The following KRABD3 variants were observed in gnomAD, a reference collection of about 807,000 sequenced individuals.
The protein encoded by KRABD3 is KRAB domain-containing protein 3.
the KRABD3 span, chr7:149,725,428 C>A: frequency 6.2e-7 from 1 of 1,612,240 alleles, no homozygotes; most frequent in Non-Finnish European, 8.5e-7. Context: ...CCAGAACCCC[C>A]AGCCAGGAGA....
the KRABD3 span, chr7:149,724,589 CAA>C: frequency 2.6e-5 from 34 of 1,283,108 alleles, no homozygotes; most frequent in Non-Finnish European, 3.4e-5. Context: ...ATAAAGGCCT[CAA>C]GGGATTCTCA....
At chr7:149,715,221 C>T in the KRABD3 span, 19 of 1,216,270 alleles carry the variant, frequency 1.6e-5, no homozygotes, top group Non-Finnish European at 1.8e-5. Context: ...TTCAGGTCCT[C>T]GGACAACCTC....
the KRABD3 span, chr7:149,723,800 C>A: frequency 1.1e-5 from 17 of 1,613,854 alleles, no homozygotes; most frequent in Non-Finnish European, 1.4e-5. Flanking sequence ...AAGGAGCTCC[C>A]CGAGGCCCAG....
At chr7:149,721,094 G>A in the KRABD3 span, 19 of 1,417,272 alleles carry the variant, frequency 1.3e-5, no homozygotes, top group East Asian at 4.9e-5. Context: ...GGCACAGGCC[G>A]GGAGGCAGAG....
the KRABD3 span, chr7:149,731,805 T>C: frequency 2.6e-6 from 4 of 1,544,164 alleles, no homozygotes; most frequent in Non-Finnish European, 3.5e-6. Context: ...CCATTCCCTC[T>C]GCACGGGCCA....
chr7:149,731,637 C>T, the KRABD3 span: 5 of 1,520,448 alleles, frequency 3.3e-6, no homozygotes, highest in Non-Finnish European at 4.5e-6. Context: ...AAACGATCGT[C>T]TCCCTGCCCC....
the KRABD3 span, chr7:149,733,424 C>T: frequency 1.3e-6 from 2 of 1,597,176 alleles, no homozygotes; most frequent in Non-Finnish European, 1.7e-6. Context: ...GCTGGCAGGC[C>T]TGGCTCAGGA....
the KRABD3 span, chr7:149,719,857 G>A: frequency 8.7e-5 from 102 of 1,172,316 alleles, no homozygotes; most frequent in Non-Finnish European, 1.1e-4. The surrounding 1 kb of genome is among the most constrained non-coding windows in gnomAD (Gnocchi z 5.6). Flanking sequence ...GGTATGCGGC[G>A]GCCTCTGAGG....
chr7:149,716,370 G>C, the KRABD3 span, among the ~76,000 whole-genome samples: 1 of 152,240 alleles, frequency 6.6e-6, no homozygotes, highest in African/African-American at 2.4e-5. Context: ...TTTCTCCATT[G>C]GTTGGGGGAA....
chr7:149,722,084 G>A, the KRABD3 span: 11 of 416,088 alleles, frequency 2.6e-5, no homozygotes, highest in Admixed American at 7.8e-5. Flanking sequence ...AGGGGTCGTC[G>A]GGCACACTTG....
At chr7:149,730,188 G>T in the KRABD3 span, 2 of 1,573,024 alleles carry the variant, frequency 1.3e-6, no homozygotes, top group Non-Finnish European at 8.6e-7. Context: ...CCTGGAGAGC[G>T]CCCTGAGGGG....
the KRABD3 span, chr7:149,728,781 T>C: frequency 0.12 from 153,473 of 1,280,784 alleles, 9,799 homozygotes; most frequent in Middle Eastern, 0.23. Flanking sequence ...CATGGTGCTC[T>C]GGAAACAGAC....
At chr7:149,716,030 G>A in the KRABD3 span, among the ~76,000 whole-genome samples, 49 of 152,310 alleles carry the variant, frequency 3.2e-4, 1 homozygote, top group South Asian at 9.8e-3. Context: ...GGAGAAGGTG[G>A]CCAGGAGTGA....
the KRABD3 span, chr7:149,715,302 T>G: frequency 3.3e-6 from 4 of 1,218,948 alleles, no homozygotes; most frequent in African/African-American, 1.6e-5. Context: ...CGTGGCTTGT[T>G]TCGTTACAAG....
the KRABD3 span, chr7:149,730,592 G>C: frequency 1.9e-6 from 3 of 1,605,786 alleles, no homozygotes; most frequent in South Asian, 3.3e-5. Context: ...CTCCTGAGGG[G>C]GCGCCCATGC....
At chr7:149,731,732 C>T in the KRABD3 span, 1 of 1,612,414 alleles carries the variant, frequency 6.2e-7, no homozygotes, top group East Asian at 2.2e-5. Context: ...GTTAGTGAAG[C>T]ATCCAGAGGC....
At chr7:149,716,271 G>A in the KRABD3 span, among the ~76,000 whole-genome samples, 11 of 152,352 alleles carry the variant, frequency 7.2e-5, no homozygotes, top group Admixed American at 6.5e-5. Flanking sequence ...CTAGTGACAC[G>A]GTGGAAGGGT....
the KRABD3 span, chr7:149,715,244 C>T: frequency 8.2e-7 from 1 of 1,218,004 alleles, no homozygotes. Context: ...TCCAGCTCTC[C>T]GCCGCCGGTA....
chr7:149,724,781 C>A, the KRABD3 span: 1 of 1,587,398 alleles, frequency 6.3e-7, no homozygotes. Context: ...GGCAGGCAGC[C>A]CCTCAGTCCC....
Sources: allele counts gnomAD v4.1 joint callset (sites outside exome capture counted in the v4.1 genomes callset), GRCh38; gene constraint gnomAD v4.1.1; non-coding constraint Gnocchi (gnomAD v3.1); transcripts MANE v1.5; gene names NCBI Gene and HGNC (gene_info 2026-07-23, HGNC 2026-07-21).